ABCB4: variants seen among roughly 807,000 people sequenced by gnomAD.
ABCB4 encodes ATP binding cassette subfamily B member 4, also known as phosphatidylcholine translocator ABCB4.
Under a neutral mutation model 145.7 loss-of-function variants are expected in ABCB4, and 76 were observed. The ratio of observed to expected loss-of-function variants is 0.52; its 90% CI spans 0.43 to 0.63. The LOEUF (loss-of-function observed/expected upper bound fraction) is 0.63, where lower values mean the gene tolerates loss of function less well. ABCB4 is among the 30% of genes least tolerant of loss of function. The pLI, the probability that ABCB4 is intolerant of heterozygous loss-of-function variation, is 0.00. For missense variants in ABCB4, 1,234 were observed against 1,553.1 expected, an observed-to-expected ratio of 0.79 and a Z score of 3.45; for synonymous variants, 517 against 566.8, an observed-to-expected ratio of 0.91 and a Z score of 1.25.
intron 8 of ABCB4, chr7:87,448,680 A>C (rs4148822): frequency 6.6e-6 from 1 of 152,258 alleles, no homozygotes; most frequent in African/African-American, 2.4e-5. Context: ...CTGAGGTCCA[A>C]CTGAGGGTTA....
At chr7:87,385,690 T>C in the ABCB4 span, among the ~76,000 whole-genome samples, 1 of 152,160 alleles carries the variant, frequency 6.6e-6, no homozygotes, top group African/African-American at 2.4e-5. Flanking sequence ...TTCTAATTGC[T>C]TTGGCTAGGA....
rs555573921 is a variant in ABCB4 at position 87,447,003 on chromosome 7, A to G, written c.1005+31T>C. 7.7e-6 allele frequency: 12 copies of G among 1,565,346 alleles called. No homozygotes were observed. The East Asian group carries it at 1.8e-4, about 23-fold the overall frequency. The stretch of plus-strand genomic sequence containing the variant: ...GTAGATGGAGAAATAAGATTTTCAT[A>G]TTCTTCATAAATGTTAGGAGAACTA... On this transcript the variant is annotated intron_variant, in intron 9 of 27. Coordinates refer to ENST00000649586, the MANE Select transcript of ABCB4 (RefSeq NM_000443.4).
chr7:87,414,392 T>A (rs4148830), intron 21 of ABCB4, among the ~76,000 whole-genome samples: 108,083 of 152,056 alleles, frequency 0.71, 40,090 homozygotes, highest in Middle Eastern at 0.83. Flanking sequence ...AGGAATGGAA[T>A]AGATGTATAG....
intron 20 of ABCB4, among the ~76,000 whole-genome samples, 156 bp downstream of exon 20, chr7:87,418,381 C>T (rs1179506466): frequency 6.6e-6 from 1 of 152,182 alleles, no homozygotes; most frequent in African/African-American, 2.4e-5. Flanking sequence ...GGTCAATCAA[C>T]CTTGAAGTTT....
intron 21 of ABCB4, among the ~76,000 whole-genome samples, chr7:87,415,772 T>G (rs894101392): frequency 3.3e-5 from 5 of 152,246 alleles, no homozygotes; most frequent in African/African-American, 1.2e-4. Context: ...CAATTCTACC[T>G]GCTCTACTCT....
intron 17 of ABCB4, 126 bp from the exon 18 acceptor site, chr7:87,422,351 T>C (rs1010898044): frequency 2.0e-5 from 16 of 781,216 alleles, no homozygotes; most frequent in Admixed American, 4.5e-5. Context: ...GTTTTGGTAA[T>C]TGTGGTAAAA....
At chr7:87,382,137 G>A in the ABCB4 span, 2 of 1,613,596 alleles carry the variant, frequency 1.2e-6, no homozygotes, top group Non-Finnish European at 1.7e-6. Context: ...GGATGAGAAA[G>A]TTTTAAATGA....
At chr7:87,437,164 C>T (rs1356714983) in intron 14 of ABCB4, among the ~76,000 whole-genome samples, 3 of 152,184 alleles carry the variant, frequency 2.0e-5, no homozygotes. Flanking sequence ...CTGGGCTAGC[C>T]TATGACTTGC....
At chr7:87,450,468 A>ATT (rs373293934) in intron 7 of ABCB4, among the ~76,000 whole-genome samples, 2,125 of 131,200 alleles carry the variant, frequency 0.016, 85 homozygotes, top group African/African-American at 0.057. Flanking sequence ...TTGTGTCACA[A>ATT]TTTTTTTTTT....
chr7:87,463,708 A>T (rs1035392975), intron 3 of ABCB4, among the ~76,000 whole-genome samples: 1 of 152,138 alleles, frequency 6.6e-6, no homozygotes, highest in African/African-American at 2.4e-5. Flanking sequence ...GATGTTGGAG[A>T]GAGATAGAAG....
chr7:87,466,891 T>G (rs1326676411), intron 3 of ABCB4, among the ~76,000 whole-genome samples: 5 of 152,180 alleles, frequency 3.3e-5, no homozygotes, highest in Non-Finnish European at 7.3e-5. Context: ...AAAGAGGTCC[T>G]GAAGGAAGCA....
the ABCB4 span, chr7:87,392,480 A>T: frequency 1.0e-6 from 1 of 994,116 alleles, no homozygotes; most frequent in Admixed American, 2.0e-5. Flanking sequence ...AAATTACCCC[A>T]ATCCTAATTA....
Position 87,402,172 on chromosome 7 carries a change from G to A in ABCB4, c.3764C>T (p.Thr1255Met), listed in dbSNP as rs147577035. 3.3e-5 allele frequency: 54 copies of A among 1,614,060 alleles called. No individual in the cohort carries two copies. The African/African-American group carries it at 5.5e-4, about 16-fold the overall frequency. ...FQNGRVKEHG[T>M]HQQLLAQKGI... The stretch of plus-strand genomic sequence containing the variant: ...TTTCTGTGCCAGCAGCTGCTGATGC[G>A]TGCCATGCTCCTTGACTCTCCCATT... The change falls in exon 28 of 28, where the codon ACG (threonine) becomes ATG (methionine). Residue 1255 changes from threonine to methionine, a missense_variant. Physicochemically the swap from Thr to Met is moderately conservative, Grantham distance 81 (BLOSUM62 -1). Transcript: ENST00000649586.
intron 3 of ABCB4, among the ~76,000 whole-genome samples, chr7:87,465,345 C>T (rs1812793895): frequency 6.6e-6 from 1 of 152,150 alleles, no homozygotes; most frequent in Admixed American, 6.6e-5. Flanking sequence ...CCCTCCATAG[C>T]TGAGACTTGA....
At chr7:87,410,866 TG>T (rs2116394609) in intron 23 of ABCB4, among the ~76,000 whole-genome samples, 1 of 152,348 alleles carries the variant, frequency 6.6e-6, no homozygotes, top group African/African-American at 2.4e-5. Context: ...CTTGTCAGAT[TG>T]CTTGTGCAGT....
the ABCB4 span, chr7:87,392,682 C>T: frequency 1.5e-5 from 24 of 1,609,388 alleles, no homozygotes; most frequent in Non-Finnish European, 2.0e-5. Flanking sequence ...AAAAATCTCT[C>T]ATGGTGAAAA....
chr7:87,430,705 T>C (rs533494683), intron 15 of ABCB4, among the ~76,000 whole-genome samples: 2 of 152,046 alleles, frequency 1.3e-5, no homozygotes, highest in Non-Finnish European at 2.9e-5. Context: ...TTTGTATTTT[T>C]AGTAGAGATG....
chr7:87,374,154 C>A, the ABCB4 span, among the ~76,000 whole-genome samples: 1 of 151,920 alleles, frequency 6.6e-6, no homozygotes, highest in Non-Finnish European at 1.5e-5. Flanking sequence ...TAATACAAAT[C>A]TTTGTGCTTT....
At chr7:87,454,166 A>G (rs529276256) in intron 5 of ABCB4, among the ~76,000 whole-genome samples, 2 of 152,218 alleles carry the variant, frequency 1.3e-5, no homozygotes, top group Non-Finnish European at 2.9e-5. Context: ...ACATACAAAC[A>G]TCATGCTTAC....
Sources: allele counts gnomAD v4.1 joint callset (sites outside exome capture counted in the v4.1 genomes callset), GRCh38; gene constraint gnomAD v4.1.1; transcripts MANE v1.5; gene names NCBI Gene and HGNC (gene_info 2026-07-23, HGNC 2026-07-21).